SRGAP3: variants seen among roughly 807,000 people sequenced by gnomAD.
SRGAP3 encodes SLIT-ROBO Rho GTPase activating protein 3, also known as SLIT-ROBO Rho GTPase-activating protein 3.
A neutral mutation model predicts 121.1 loss-of-function variants in SRGAP3; 39 were observed. The observed-to-expected ratio is 0.32, with a 90% CI of 0.25 to 0.42. SRGAP3 has a LOEUF of 0.42. SRGAP3 is among the 10% of genes least tolerant of loss of function. SRGAP3 has a pLI of 1.00. For synonymous variants in SRGAP3, 601 were observed against 570.0 expected (o/e 1.05, Z -0.77); for missense variants, 1,213 against 1,470.6 (o/e 0.82, Z 2.86).
intron 1 of SRGAP3, among the ~76,000 whole-genome samples, chr3:9,185,477 TG>T (rs575317921): frequency 2.6e-5 from 4 of 151,558 alleles, no homozygotes; most frequent in Non-Finnish European, 5.9e-5. Context: ...TTTGTTGGGG[TG>T]GGGGGGCACT....
At chr3:9,240,945 G>A (rs1170552004) in intron 1 of SRGAP3, among the ~76,000 whole-genome samples, 1 of 152,160 alleles carries the variant, frequency 6.6e-6, no homozygotes, top group African/African-American at 2.4e-5. Flanking sequence ...TAGCAGGAGT[G>A]TGGAAGTGTC....
At position 9,010,343 on chromosome 3, in the gene SRGAP3, T is replaced by A; in HGVS notation, c.2192A>T (p.His731Leu). 6.2e-7 allele frequency: 1 copy of A among 1,614,146 alleles called. No homozygotes were observed. The highest frequency in any genetic ancestry group is 1.1e-5 in the South Asian group (1 of 91,084). ...GGTATGAGGCTCAGTGCCATTGTCA[T>A]GGTCAACTTCATCGATGGCCCCTGG... ...SEPGAIDEVD[H>L]DNGTEPHTSD... Residue 731 changes from histidine to leucine, a missense_variant, in exon 18 of 22, where the codon CAT (histidine) becomes CTT (leucine). Around this residue, in one of 2 missense-constraint regions of SRGAP3, gnomAD observed 793 missense variants for 1,032.9 expected, o/e 0.77. Transcript: ENST00000383836.
At chr3:9,268,268 C>T (rs903623901) in intron 3 of SRGAP3, among the ~76,000 whole-genome samples, 6 of 151,572 alleles carry the variant, frequency 4.0e-5, no homozygotes, top group Non-Finnish European at 8.8e-5. Flanking sequence ...GGGATTAGTG[C>T]CCTTATAAGA....
chr3:9,358,359 T>G (rs542357946), intron 1 of SRGAP3, among the ~76,000 whole-genome samples: 31 of 152,340 alleles, frequency 2.0e-4, no homozygotes, highest in Non-Finnish European at 3.4e-4. Context: ...GTCTTTTGTG[T>G]CTGGCATCTC....
rs775390550 is a variant in SRGAP3, at chr3:9,013,859, C to T, written c.1814-17G>A. 8.6e-5 allele frequency: 138 copies of T among 1,611,812 alleles called. No homozygotes were observed. Among genetic ancestry groups the T allele is most frequent in the Admixed American group, 1.8e-4 (11 of 59,998 alleles). On this transcript the variant is annotated splice_polypyrimidine_tract_variant and intron_variant, in intron 15 of 21. Transcript: ENST00000383836. The stretch of plus-strand genomic sequence containing the variant: ...TCTCCAGTTCTGTAACATAAAGGGG[C>T]CTTTCAGCGTGCCTTTCATCCTCAG...
intron 1 of SRGAP3, among the ~76,000 whole-genome samples, chr3:9,354,681 CAA>C (rs34026081): frequency 1.6e-4 from 11 of 70,794 alleles, no homozygotes; most frequent in African/African-American, 1.4e-4. Context: ...GACTCCATCT[CAA>C]AAAAAAAAAA....
rs183238221 is a variant in SRGAP3, at chr3:9,125,458, T to C, written c.68-541A>G. Among the ~76,000 whole-genome samples the C allele has an allele frequency of 3.9e-4, 60 of 152,352 alleles. 1 individual carries two copies. Among genetic ancestry groups the C allele is most frequent in the African/African-American group, 1.3e-3 (52 of 41,588 alleles). On this transcript the variant is annotated intron_variant, in intron 1 of 21. Transcript: ENST00000383836. ...ACGGCAGTGTGACTTTCTCCATGTG[T>C]AGTCAGGACTGAGAGAGGGCTGAGA... is the stretch of plus-strand genomic sequence containing the variant.
At position 9,053,159 on chromosome 3, in the gene SRGAP3, A is replaced by T. The variant is rs1395350455; in HGVS notation, c.1191T>A (p.Asp397Glu). ...LQDMLTVEDFDVSDAFQHSRS... is the reference protein window; with the variant it reads ...LQDMLTVEDFEVSDAFQHSRS... The stretch of plus-strand genomic sequence containing the variant: ...GACTGTGTTGGAAGGCATCGGAGAC[A>T]TCAAAGTCCTCCACAGTCAGCATGT... Residue 397 changes from aspartate (D) to glutamate (E), a missense_variant, in exon 9 of 22, where the codon GAT (aspartate) becomes GAA (glutamate). Around this residue, in one of 2 missense-constraint regions of SRGAP3, gnomAD observed 793 missense variants for 1,032.9 expected, o/e 0.77. Coordinates refer to ENST00000383836, the MANE Select transcript of SRGAP3 (RefSeq NM_014850.4). 1.2e-6 allele frequency: 2 copies of T among 1,614,088 alleles called. No individual in the cohort carries two copies. Among genetic ancestry groups the T allele is most frequent in the African/African-American group, 2.7e-5 (2 of 74,934 alleles).
chr3:9,345,474 C>T (rs113932690), intron 1 of SRGAP3, among the ~76,000 whole-genome samples: 164 of 138,050 alleles, frequency 1.2e-3, no homozygotes, highest in Middle Eastern at 4.6e-3. Context: ...AGAGCAAGAC[C>T]CCATCTCAAA....
In SRGAP3 at chr3:8,986,014, G is replaced by A. The variant is rs938381467; in HGVS notation, c.2887-82C>T. The A allele has an allele frequency of 2.4e-4, 377 of 1,592,186 alleles. 2 individuals are homozygous for A. Among genetic ancestry groups the A allele is most frequent in the Non-Finnish European group, 4.2e-5 (49 of 1,176,604 alleles). On this transcript the variant is annotated intron_variant, in intron 21 of 21. Transcript: ENST00000383836. Reference sequence around the variant, plus strand: ...CCTGTCTGCTAAGCAGCTTCCCTTCGTAGGCAGGTTCCCCAGAAGCCTCGC... The same window carrying A: ...CCTGTCTGCTAAGCAGCTTCCCTTCATAGGCAGGTTCCCCAGAAGCCTCGC...
chr3:8,997,020 A>C (rs369086538), intron 18 of SRGAP3, among the ~76,000 whole-genome samples: 1 of 152,310 alleles, frequency 6.6e-6, no homozygotes, highest in East Asian at 1.9e-4. Flanking sequence ...GAGGGAAAGA[A>C]AACAGGAGGA....
In SRGAP3 at chr3:9,273,676, T is replaced by A. The variant is rs541318694; in HGVS notation, n.442+52334A>T. 9.2e-5 allele frequency among the ~76,000 whole-genome samples: 14 copies of A among 152,338 alleles called. No homozygotes were observed. In the South Asian group the frequency reaches 2.9e-3, roughly 32 times the overall value. ...GAAATCACTGCAAAATCCAATGTCA[T>A]GAAGGCTTCCCCTACTTTTCTCTAA... On this transcript the variant is annotated intron_variant and non_coding_transcript_variant, in intron 3 of 3. Transcript: ENST00000490889.
chr3:9,181,496 A>AT (rs1304861106), intron 1 of SRGAP3, among the ~76,000 whole-genome samples: 2 of 152,122 alleles, frequency 1.3e-5, no homozygotes, highest in Non-Finnish European at 2.9e-5. Context: ...TCTCGGAAAA[A>AT]TCTGCTTCTT....
Position 9,227,574 on chromosome 3 carries a change from G to C in SRGAP3, c.67+21311C>G, listed in dbSNP as rs540962996. 5.6e-4 allele frequency among the ~76,000 whole-genome samples: 85 copies of C among 152,364 alleles called. 1 individual carries two copies. In the South Asian group the frequency reaches 0.018, roughly 32 times the overall value. On this transcript the variant is annotated intron_variant, in intron 1 of 21. Coordinates refer to ENST00000383836, the MANE Select transcript of SRGAP3 (RefSeq NM_014850.4). ...TGGGATTCAGTCCTAGATCTGTCTG[G>C]CTTCCCAGTCCAATGCAGAGTCCTT...
intron 11 of SRGAP3, chr3:9,034,508 C>T (rs1198113478): frequency 3.9e-5 from 6 of 152,236 alleles, no homozygotes; most frequent in Admixed American, 3.9e-4. Context: ...ACCAACTTCT[C>T]CTAGGTGTTT....
At position 8,990,695 on chromosome 3, in the gene SRGAP3, G is replaced by A; in HGVS notation, c.2703C>T (p.Leu901=). The A allele has an allele frequency of 1.2e-6, 2 of 1,613,290 alleles. No homozygotes were observed. Among genetic ancestry groups the A allele is most frequent in the African/African-American group, 2.7e-5 (2 of 75,060 alleles). ...ACPSSPHKIP[L]TRGRIESPEK... Reference sequence around the variant, plus strand: ...CAGGGCTCTCGATCCTCCCCCGGGTGAGGGGGATTTTGTGGGGGCTGCTGG... The same window carrying A: ...CAGGGCTCTCGATCCTCCCCCGGGTAAGGGGGATTTTGTGGGGGCTGCTGG... The change falls in exon 21 of 22, where the codon CTC becomes CTT. Residue 901 remains leucine (L), a synonymous_variant. Transcript: ENST00000383836.
At chr3:9,193,460 A>T (rs1951822479) in intron 1 of SRGAP3, 1 of 152,252 alleles carries the variant, frequency 6.6e-6, no homozygotes, top group Non-Finnish European at 1.5e-5. Context: ...ACCTTCTGTG[A>T]AATGGGGAGC....
chr3:9,021,424 TC>T (rs759490305), intron 14 of SRGAP3, among the ~76,000 whole-genome samples: 351 of 152,140 alleles, frequency 2.3e-3, no homozygotes, highest in African/African-American at 7.1e-3. Context: ...TGTTTTTTTT[TC>T]TCTCTCTCCT....
At chr3:8,993,572 G>T (rs753946276) in intron 19 of SRGAP3, among the ~76,000 whole-genome samples, 1 of 152,242 alleles carries the variant, frequency 6.6e-6, no homozygotes, top group Non-Finnish European at 1.5e-5. Context: ...GCCCTCTGCT[G>T]TGGTGACTTG....
Sources: allele counts gnomAD v4.1 joint callset (sites outside exome capture counted in the v4.1 genomes callset), GRCh38; gene constraint gnomAD v4.1.1; regional missense constraint gnomAD v4.1.1; transcripts MANE v1.5; gene names NCBI Gene and HGNC (gene_info 2026-07-23, HGNC 2026-07-21).